BAALC: variants seen among roughly 807,000 people sequenced by gnomAD.
BAALC encodes BAALC binder of MAP3K1 and KLF4.
Under a neutral mutation model 15.5 loss-of-function variants are expected in BAALC, and 9 were observed. The observed-to-expected ratio is 0.58, with a 90% CI of 0.35 to 1.02. The LOEUF (loss-of-function observed/expected upper bound fraction) is 1.02, where lower values mean the gene tolerates loss of function less well. BAALC is among the 50% of genes least tolerant of loss of function. The pLI is 0.02. For synonymous variants in BAALC, 80 were observed against 74.6 expected, an observed-to-expected ratio of 1.07 and a Z score of -0.37; for missense variants, 201 against 192.4, an observed-to-expected ratio of 1.04 and a Z score of -0.27.
At chr8:103,225,871 G>A (rs912696718) in intron 2 of BAALC, among the ~76,000 whole-genome samples, 2 of 152,284 alleles carry the variant, frequency 1.3e-5, no homozygotes, top group African/African-American at 4.8e-5. Flanking sequence ...AGAGAGGGGT[G>A]TCGCCATCAG....
At chr8:103,216,483 T>A (rs954629783) in intron 2 of BAALC, among the ~76,000 whole-genome samples, 2 of 151,626 alleles carry the variant, frequency 1.3e-5, no homozygotes, top group Non-Finnish European at 2.9e-5. Flanking sequence ...ATTAATTAAT[T>A]TATGTATTTA....
At chr8:103,203,054 C>T (rs1021171016) in intron 1 of BAALC, among the ~76,000 whole-genome samples, 1 of 152,198 alleles carries the variant, frequency 6.6e-6, no homozygotes, top group African/African-American at 2.4e-5. Flanking sequence ...AGGCCCATTT[C>T]GCCAAAGACA....
intron 2 of BAALC, chr8:103,213,469 G>T (rs758120726): frequency 4.9e-5 from 8 of 161,948 alleles, no homozygotes; most frequent in Non-Finnish European, 8.1e-5. Context: ...AGACCAGAGT[G>T]GTTGGAAACA....
chr8:103,181,308 T>A (rs997625018), intron 1 of BAALC, among the ~76,000 whole-genome samples: 4 of 152,204 alleles, frequency 2.6e-5, no homozygotes, highest in African/African-American at 7.2e-5. Context: ...AGTCTCGCTC[T>A]GTCGCCCAGG....
At chr8:103,174,150 G>C (rs1345240904) in intron 1 of BAALC, among the ~76,000 whole-genome samples, 5 of 151,984 alleles carry the variant, frequency 3.3e-5, no homozygotes, top group Non-Finnish European at 1.5e-5. Context: ...GACTGTGAAA[G>C]GGATCCTGAA....
intron 2 of BAALC, among the ~76,000 whole-genome samples, chr8:103,220,607 A>G (rs189406792): frequency 6.6e-6 from 1 of 152,240 alleles, no homozygotes; most frequent in Non-Finnish European, 1.5e-5. Flanking sequence ...GAAGCAAAAA[A>G]GAAGTTAAAA....
chr8:103,154,395 G>C (rs1434135884), intron 1 of BAALC, among the ~76,000 whole-genome samples: 1 of 151,898 alleles, frequency 6.6e-6, no homozygotes, highest in Non-Finnish European at 1.5e-5. Context: ...CTTTCACCTA[G>C]ACATTTGCAA....
intron 2 of BAALC, among the ~76,000 whole-genome samples, chr8:103,221,682 C>T (rs1161942017): frequency 6.6e-6 from 1 of 152,216 alleles, no homozygotes; most frequent in Non-Finnish European, 1.5e-5. Flanking sequence ...AAACAACTCA[C>T]TTCTCCAAAC....
chr8:103,204,082 T>A (rs1812278748), intron 1 of BAALC, among the ~76,000 whole-genome samples: 1 of 152,200 alleles, frequency 6.6e-6, no homozygotes, highest in Non-Finnish European at 1.5e-5. Flanking sequence ...CTGAGAACAC[T>A]TATTCTGTAT....
At position 103,213,243 on chromosome 8, in the gene BAALC, A is replaced by ACCC. The variant is rs1292183900; in HGVS notation, c.327+160_327+162dup. On this transcript the variant is annotated intron_variant, in intron 2 of 2. Coordinates refer to ENST00000309982, the MANE Select transcript of BAALC (RefSeq NM_024812.3). Reference sequence around the variant, plus strand: ...CCCACCCATGTAAAAATTGCTGCAAACCCCACCCCAAAACCCTGCCTTGAG... The same window carrying ACCC: ...CCCACCCATGTAAAAATTGCTGCAAACCCCCCCACCCCAAAACCCTGCCTTGAG... 3 of 760,826 alleles carry ACCC rather than the reference A, an allele frequency of 3.9e-6. No homozygotes were observed. The African/African-American group carries it at 5.3e-5, about 13-fold the overall frequency. The allele number at this position is 760,826 out of a possible 1,614,324, so 47.1% of individuals were successfully genotyped here.
intron 1 of BAALC, among the ~76,000 whole-genome samples, chr8:103,149,271 T>C (rs1016483417): frequency 6.6e-6 from 1 of 152,082 alleles, no homozygotes; most frequent in Non-Finnish European, 1.5e-5. Context: ...AGCTCTGCGG[T>C]GCTTACACTG....
intron 1 of BAALC, among the ~76,000 whole-genome samples, chr8:103,195,769 CT>C (rs1812081755): frequency 6.6e-6 from 1 of 152,204 alleles, no homozygotes; most frequent in Admixed American, 6.5e-5. Context: ...ATGGCAGCTT[CT>C]TCCTGCAGTG....
At chr8:103,143,815 T>C (rs569559825) in intron 1 of BAALC, among the ~76,000 whole-genome samples, 33 of 152,242 alleles carry the variant, frequency 2.2e-4, no homozygotes, top group Non-Finnish European at 7.3e-5. Context: ...ATGCTCTGTC[T>C]GAACCTGTCC....
chr8:103,160,601 G>A (rs1327521882), intron 1 of BAALC, among the ~76,000 whole-genome samples: 1 of 151,970 alleles, frequency 6.6e-6, no homozygotes, highest in Admixed American at 6.6e-5. Flanking sequence ...GCTGTATGAG[G>A]GTTCTCCAGA....
intron 1 of BAALC, chr8:103,198,177 T>G: frequency 2.9e-6 from 2 of 688,834 alleles, no homozygotes; most frequent in Non-Finnish European, 5.3e-6. Context: ...AAGGTAGGAC[T>G]TTTTTTTGTA....
chr8:103,173,500 A>T (rs1337111080), intron 1 of BAALC, among the ~76,000 whole-genome samples: 1 of 152,242 alleles, frequency 6.6e-6, no homozygotes, highest in Admixed American at 6.5e-5. Context: ...GGATGATTCT[A>T]AATTTGCTAA....
At chr8:103,185,252 G>C (rs934738517) in intron 1 of BAALC, among the ~76,000 whole-genome samples, 5 of 151,860 alleles carry the variant, frequency 3.3e-5, no homozygotes, top group African/African-American at 4.8e-5. Flanking sequence ...TAACCATTCC[G>C]AACTCTCCCG....
chr8:103,163,495 C>T (rs191226309), intron 1 of BAALC, among the ~76,000 whole-genome samples: 1 of 152,312 alleles, frequency 6.6e-6, no homozygotes, highest in East Asian at 1.9e-4. Context: ...GGTGCCATCC[C>T]TCTCTGTTCA....
chr8:103,174,260 C>CAAA (rs34745381), intron 1 of BAALC, among the ~76,000 whole-genome samples: 5,456 of 126,714 alleles, frequency 0.043, 177 homozygotes, highest in Middle Eastern at 0.082. Flanking sequence ...GGCAAAGCAC[C>CAAA]AAAAAAAAAA....
Sources: gnomAD v4.1 joint callset for allele counts (sites outside exome capture counted in the v4.1 genomes callset) on GRCh38, gnomAD v4.1.1 for gene constraint, MANE v1.5 for transcripts, NCBI Gene and HGNC (gene_info 2026-07-23, HGNC 2026-07-21) for gene names.